AGAP1: variants seen among roughly 807,000 people sequenced by gnomAD.
AGAP1 encodes the protein ArfGAP with GTPase domain, ankyrin repeat and PH domain 1.
Under a neutral mutation model 105.3 loss-of-function variants are expected in AGAP1, and 29 were observed. That is an observed-to-expected ratio of 0.28 (90% CI 0.21 to 0.38). AGAP1 has a LOEUF of 0.38. Among genes scored for constraint, AGAP1 ranks in the 10% least tolerant of loss-of-function variants. The probability of loss-of-function intolerance (pLI) is 1.00; values close to 1 mark genes in which losing one functional copy is unlikely to be tolerated. For missense variants in AGAP1, 998 were observed against 1,165.1 expected, an observed-to-expected ratio of 0.86 and a Z score of 2.09; for synonymous variants, 509 against 485.9, an observed-to-expected ratio of 1.05 and a Z score of -0.63.
rs1950189426 is a variant in AGAP1, at chr2:235,700,365, C to T, written c.164-8814C>T. On this transcript the variant is annotated intron_variant, in intron 1 of 17. Coordinates refer to ENST00000304032, the MANE Select transcript of AGAP1 (RefSeq NM_001037131.3). The surrounding 1 kb of genome is among the most constrained non-coding windows in gnomAD (Gnocchi z 6.1). Reference sequence around the variant, plus strand: ...TCCTTGCCGTTTTGACTTTCAAATCCTCACGCCCTCTGCTTTGATTCTCTC... The same window carrying T: ...TCCTTGCCGTTTTGACTTTCAAATCTTCACGCCCTCTGCTTTGATTCTCTC... Among the ~76,000 whole-genome samples the T allele has an allele frequency of 6.6e-6, 1 of 152,164 alleles. No homozygotes were observed. Among genetic ancestry groups the T allele is most frequent in the Non-Finnish European group, 1.5e-5 (1 of 68,038 alleles).
At chr2:236,007,049 G>T (rs1167813167) in intron 13 of AGAP1, among the ~76,000 whole-genome samples, 1 of 150,306 alleles carries the variant, frequency 6.7e-6, no homozygotes, top group Non-Finnish European at 1.5e-5. Flanking sequence ...TAAGGTCAAA[G>T]CAGTTTTATG....
chr2:235,616,495 G>C (rs1039970648), intron 1 of AGAP1, among the ~76,000 whole-genome samples: 1 of 152,184 alleles, frequency 6.6e-6, no homozygotes, highest in African/African-American at 2.4e-5. Flanking sequence ...AATTGAGATA[G>C]CCATCTGGAG....
chr2:235,714,635 T>G lies in AGAP1; in HGVS notation c.223-2922T>G, dbSNP rs1010529014. Reference sequence around the variant, plus strand: ...TAGAAAGGCCACTCTGGCTGATGAGTAGAGAGTGGGAGCGGCCAGGACTGG... The same window carrying G: ...TAGAAAGGCCACTCTGGCTGATGAGGAGAGAGTGGGAGCGGCCAGGACTGG... On this transcript the variant is annotated intron_variant, in intron 2 of 17. Transcript: ENST00000304032. The surrounding 1 kb of genome is among the most constrained non-coding windows in gnomAD (Gnocchi z 4.1). 6.6e-6 allele frequency among the ~76,000 whole-genome samples: 1 copy of G among 151,210 alleles called. No individual in the cohort carries two copies. The highest frequency in any genetic ancestry group is 1.5e-5 in the Non-Finnish European group (1 of 67,854).
chr2:235,589,189 G>T (rs368098651), intron 1 of AGAP1, among the ~76,000 whole-genome samples: 3,168 of 54,768 alleles, frequency 0.058, 126 homozygotes, highest in Non-Finnish European at 0.099. Flanking sequence ...ATAGCTTATT[G>T]TTTTGTTTTT....
chr2:235,916,242 C>G (rs966041865), intron 11 of AGAP1, among the ~76,000 whole-genome samples: 14 of 152,210 alleles, frequency 9.2e-5, no homozygotes, highest in African/African-American at 3.4e-4. Flanking sequence ...TCACTGGCTT[C>G]TCAAGATGTG....
In AGAP1 at chr2:235,744,634, A is replaced by G; in HGVS notation, c.397-64A>G. The G allele has an allele frequency of 6.3e-7, 1 of 1,595,590 alleles. No individual in the cohort carries two copies. On this transcript the variant is annotated intron_variant, in intron 4 of 17. Coordinates refer to ENST00000304032, the MANE Select transcript of AGAP1 (RefSeq NM_001037131.3). The surrounding 1 kb of genome is among the most constrained non-coding windows in gnomAD (Gnocchi z 5.2). Reference sequence around the variant, plus strand: ...CCCTGCTGCCTGCCGCCATGCAGACATCTCTGTTCTTAATCAAGCCTGCTC... The same window carrying G: ...CCCTGCTGCCTGCCGCCATGCAGACGTCTCTGTTCTTAATCAAGCCTGCTC...
At position 235,558,391 on chromosome 2, in the gene AGAP1, G is replaced by T. The variant is rs569049341; in HGVS notation, c.163+63542G>T. ...GGTTTCCCTGTCTCCCAGCATCTCTGGGAGATATGTGTATGATTGATTCCA... is the reference window on the plus strand; with the variant it reads ...GGTTTCCCTGTCTCCCAGCATCTCTTGGAGATATGTGTATGATTGATTCCA... On this transcript the variant is annotated intron_variant, in intron 1 of 17. Coordinates refer to ENST00000304032, the MANE Select transcript of AGAP1 (RefSeq NM_001037131.3). Among the ~76,000 whole-genome samples, 9 of 152,208 alleles carry T rather than the reference G, an allele frequency of 5.9e-5. No individual in the cohort carries two copies. The South Asian group carries it at 1.9e-3, about 32-fold the overall frequency.
chr2:235,833,709 T>G (rs1312375040), intron 9 of AGAP1, among the ~76,000 whole-genome samples: 1 of 152,058 alleles, frequency 6.6e-6, no homozygotes, highest in Non-Finnish European at 1.5e-5. Context: ...TTAAAGATAT[T>G]TATCAAATGG....
rs1326617947 is a variant in AGAP1, at chr2:235,747,813, C to T, written c.539-2541C>T. On this transcript the variant is annotated intron_variant, in intron 5 of 17. Transcript: ENST00000304032. The surrounding 1 kb of genome is among the most constrained non-coding windows in gnomAD (Gnocchi z 5.0). ...TCAGGTTGTCTAGGAAGGCACCTGG[C>T]ATTTCTCTTCCTGCTGCTTTGGGGT... Among the ~76,000 whole-genome samples, 1 of 152,222 alleles carries T rather than the reference C, an allele frequency of 6.6e-6. No individual in the cohort carries two copies. The highest frequency in any genetic ancestry group is 1.5e-5 in the Non-Finnish European group (1 of 68,044).
Position 235,781,813 on chromosome 2 carries a change from CT to C in AGAP1, c.674-15936del, listed in dbSNP as rs371194293. ...TTGGCTTTTTTGGGGGGAGGAGGGA[CT>C]TTTTTTTTTATGTAAATAATCTCAT... On this transcript the variant is annotated intron_variant, in intron 6 of 17. Coordinates refer to ENST00000304032, the MANE Select transcript of AGAP1 (RefSeq NM_001037131.3). Among the ~76,000 whole-genome samples, 179 of 148,318 alleles carry C rather than the reference CT, an allele frequency of 1.2e-3. 2 individuals are homozygous for C. The highest frequency in any genetic ancestry group is 0.012 in the East Asian group (60 of 5,084).
intron 16 of AGAP1, among the ~76,000 whole-genome samples, chr2:236,064,457 A>G (rs574695070): frequency 6.6e-6 from 1 of 152,286 alleles, no homozygotes; most frequent in South Asian, 2.1e-4. Flanking sequence ...TTGGCCAGGC[A>G]TAGTGGCACA....
intron 8 of AGAP1, among the ~76,000 whole-genome samples, chr2:235,802,894 A>ATTGTGGTGATGG (rs1559505943): frequency 9.2e-6 from 1 of 108,334 alleles, no homozygotes; most frequent in African/African-American, 3.8e-5. Flanking sequence ...TGTGATGGTG[A>ATTGTGGTGATGG]TGATGGTTGT....
intron 1 of AGAP1, among the ~76,000 whole-genome samples, chr2:235,515,386 A>G (rs940389254): frequency 6.6e-6 from 1 of 152,140 alleles, no homozygotes; most frequent in Non-Finnish European, 1.5e-5. Flanking sequence ...GAGGCCTTTC[A>G]TGGACAGCCT....
rs1049870702 is a variant in AGAP1 at position 235,517,717 on chromosome 2, A to C, written c.163+22868A>C. Among the ~76,000 whole-genome samples the C allele has an allele frequency of 4.6e-5, 7 of 152,146 alleles. No individual in the cohort carries two copies. The highest frequency in any genetic ancestry group is 9.7e-5 in the African/African-American group (4 of 41,444). On this transcript the variant is annotated intron_variant, in intron 1 of 17. Transcript: ENST00000304032. This position sits in a 1 kb window ranked among gnomAD's most constrained non-coding sequence, Gnocchi z 4.1. ...TCTGGGAGGCCGAGGCAGACAGATC[A>C]CTTGAGGTCAGGAGTTCGAGACCAG...
chr2:236,116,414 G>A (rs73127548), intron 16 of AGAP1, among the ~76,000 whole-genome samples: 58,299 of 147,346 alleles, frequency 0.4, 11,994 homozygotes, highest in Middle Eastern at 0.56. Context: ...CAGTGACGCA[G>A]TCTTGGCTCA....
rs1378850151 is a variant in AGAP1, at chr2:235,917,293, C to T, written c.1324+8387C>T. Reference sequence around the variant, plus strand: ...AAATGTGTTTTGAGTATTGAACTGCCGTTGACATCTAAAGTCTCAACCATG... The same window carrying T: ...AAATGTGTTTTGAGTATTGAACTGCTGTTGACATCTAAAGTCTCAACCATG... On this transcript the variant is annotated intron_variant, in intron 11 of 17. Coordinates refer to ENST00000304032, the MANE Select transcript of AGAP1 (RefSeq NM_001037131.3). 3.3e-5 allele frequency among the ~76,000 whole-genome samples: 5 copies of T among 152,150 alleles called. No homozygotes were observed. The East Asian group carries it at 5.8e-4, about 18-fold the overall frequency.
rs149865179 is a variant in AGAP1, at chr2:236,113,915, T to C, written c.2115-6277T>C. Among the ~76,000 whole-genome samples, 869 of 152,238 alleles carry C rather than the reference T, an allele frequency of 5.7e-3. 5 individuals are homozygous for C. The highest frequency in any genetic ancestry group is 0.02 in the African/African-American group (816 of 41,538). Reference sequence around the variant, plus strand: ...TTTTAGGCAGGAAGAGAAGCAAATATAAAATACGATGGCGCCTGAAATGTA... The same window carrying C: ...TTTTAGGCAGGAAGAGAAGCAAATACAAAATACGATGGCGCCTGAAATGTA... On this transcript the variant is annotated intron_variant, in intron 16 of 17. Coordinates refer to ENST00000304032, the MANE Select transcript of AGAP1 (RefSeq NM_001037131.3). The surrounding 1 kb of genome is among the most constrained non-coding windows in gnomAD (Gnocchi z 4.3).
In AGAP1 at chr2:235,853,449, A is replaced by G. The variant is rs186971468; in HGVS notation, c.1051-29896A>G. Reference sequence around the variant, plus strand: ...GTACAGATAAATCTCTCAATACCCTAGGGATGCGGCAGATAGGAAGATGTG... The same window carrying G: ...GTACAGATAAATCTCTCAATACCCTGGGGATGCGGCAGATAGGAAGATGTG... On this transcript the variant is annotated intron_variant, in intron 9 of 17. Coordinates refer to ENST00000304032, the MANE Select transcript of AGAP1 (RefSeq NM_001037131.3). Among the ~76,000 whole-genome samples, 70 of 152,336 alleles carry G rather than the reference A, an allele frequency of 4.6e-4. No homozygotes were observed. The East Asian group carries it at 0.011, about 24-fold the overall frequency.
chr2:235,893,645 G>T lies in AGAP1; in HGVS notation c.1155+10196G>T, dbSNP rs943151296. Among the ~76,000 whole-genome samples, 1 of 152,102 alleles carries T rather than the reference G, an allele frequency of 6.6e-6. No homozygotes were observed. The highest frequency in any genetic ancestry group is 1.5e-5 in the Non-Finnish European group (1 of 68,036). ...CAGGCCCCATCTAGTGTACATCATT[G>T]CCTCGGGTGAGAATGTCCCTTTCTG... On this transcript the variant is annotated intron_variant, in intron 10 of 17. Transcript: ENST00000304032. This position sits in a 1 kb window ranked among gnomAD's most constrained non-coding sequence, Gnocchi z 4.7.
Sources: allele counts gnomAD v4.1 joint callset (sites outside exome capture counted in the v4.1 genomes callset), GRCh38; gene constraint gnomAD v4.1.1; non-coding constraint Gnocchi (gnomAD v3.1); transcripts MANE v1.5; gene names NCBI Gene and HGNC (gene_info 2026-07-23, HGNC 2026-07-21).